The following CLNK variants were observed in gnomAD, a reference collection of about 807,000 sequenced individuals.
The protein encoded by CLNK is cytokine-dependent hematopoietic cell linker.
Under a neutral mutation model 68.6 loss-of-function variants are expected in CLNK, and 74 were observed. The observed-to-expected ratio is 1.08, with a 90% CI of 0.89 to 1.31. CLNK has a LOEUF of 1.31. CLNK is among the 50% of genes most tolerant of loss of function. The probability of loss-of-function intolerance (pLI) is 0.00; values close to 1 mark genes in which losing one functional copy is unlikely to be tolerated. For missense variants in CLNK, 553 were observed against 515.3 expected (o/e 1.07, Z -0.71); for synonymous variants, 198 against 172.2 (o/e 1.15, Z -1.17).
intron 15 of CLNK, among the ~76,000 whole-genome samples, chr4:10,514,338 T>C (rs1717737887): frequency 6.6e-6 from 1 of 152,128 alleles, no homozygotes; most frequent in South Asian, 2.1e-4. Context: ...TGTGTCTTTA[T>C]AGCAGCATAA....
chr4:10,708,384 A>AT, the CLNK span, among the ~76,000 whole-genome samples: 161 of 150,366 alleles, frequency 1.1e-3, 1 homozygote, highest in African/African-American at 2.8e-3. Flanking sequence ...GGTGAACACT[A>AT]TTTTTTTTTT....
the CLNK span, among the ~76,000 whole-genome samples, chr4:10,734,451 C>T: frequency 6.6e-6 from 1 of 152,212 alleles, no homozygotes; most frequent in Admixed American, 6.5e-5. Flanking sequence ...CACTTTTACT[C>T]AGGACCAGTC....
In CLNK at chr4:10,658,146, A is replaced by T. The variant is rs11930896; in HGVS notation, c.11+9713T>A. On this transcript the variant is annotated intron_variant, in intron 2 of 18. Coordinates refer to ENST00000226951, the MANE Select transcript of CLNK (RefSeq NM_052964.4). Reference sequence around the variant, plus strand: ...TTTGCTCCAAGTAGAATAACCACTCACTCCTCTGTGTCCTCTTAGCACTTT... The same window carrying T: ...TTTGCTCCAAGTAGAATAACCACTCTCTCCTCTGTGTCCTCTTAGCACTTT... Among the ~76,000 whole-genome samples the T allele has an allele frequency of 6.8e-3, 1,031 of 151,638 alleles. 14 individuals are homozygous for T. The highest frequency in any genetic ancestry group is 0.024 in the African/African-American group (994 of 41,290).
chr4:10,708,676 C>T, the CLNK span, among the ~76,000 whole-genome samples: 1 of 152,178 alleles, frequency 6.6e-6, no homozygotes, highest in South Asian at 2.1e-4. Flanking sequence ...AGGCAGGGCA[C>T]ATCATGGTCA....
At chr4:10,714,987 T>C in the CLNK span, among the ~76,000 whole-genome samples, 1 of 152,212 alleles carries the variant, frequency 6.6e-6, no homozygotes, top group African/African-American at 2.4e-5. Flanking sequence ...AACATCCTTC[T>C]TTGGTTTCAG....
chr4:10,721,764 T>C, the CLNK span, among the ~76,000 whole-genome samples: 22 of 152,358 alleles, frequency 1.4e-4, no homozygotes, highest in Admixed American at 1.2e-3. Context: ...GCATGACCTC[T>C]GCATTTAGAG....
chr4:10,555,375 G>A (rs577975135), intron 8 of CLNK, among the ~76,000 whole-genome samples: 1 of 152,228 alleles, frequency 6.6e-6, no homozygotes, highest in South Asian at 2.1e-4. Flanking sequence ...GGTTTCTCTA[G>A]AAAAATAAAC....
At chr4:10,682,802 C>CT (rs1269256752) in intron 1 of CLNK, among the ~76,000 whole-genome samples, 1 of 152,194 alleles carries the variant, frequency 6.6e-6, no homozygotes, top group Admixed American at 6.6e-5. Context: ...CTGTTAAGAT[C>CT]ATTCAAGAAG....
rs565763486 is a variant in CLNK at position 10,525,743 on chromosome 4, C to G, written c.731+98G>C. ...CATTATTGGGCTTCAGAAACAAAGA[C>G]TTTCGTTTCTCAGAAAGTCTTTGTG... On this transcript the variant is annotated intron_variant, in intron 14 of 18. Coordinates refer to ENST00000226951, the MANE Select transcript of CLNK (RefSeq NM_052964.4). 82 of 683,142 alleles carry G rather than the reference C, an allele frequency of 1.2e-4. No individual in the cohort carries two copies. The African/African-American group carries it at 1.4e-3, about 12-fold the overall frequency. 42.3% of individuals were successfully genotyped at this position (683,142 alleles called of 1,614,324 possible). A position where few individuals can be genotyped will look rare whatever the true frequency, so the allele number is the denominator to read the frequency against.
intron 14 of CLNK, among the ~76,000 whole-genome samples, chr4:10,523,204 C>T (rs1054353163): frequency 1.3e-5 from 2 of 152,124 alleles, no homozygotes; most frequent in Admixed American, 1.3e-4. Flanking sequence ...AGAGAGCTTA[C>T]TGAGTTTACC....
chr4:10,666,291 A>G lies in CLNK; in HGVS notation c.11+1568T>C, dbSNP rs1577207216. On this transcript the variant is annotated intron_variant, in intron 2 of 18. Transcript: ENST00000226951. ...ATTTGTTAGAGCAGCCCAGGACACTAATACACCTGCTGTGCTGTGTATGCC... is the reference window on the plus strand; with the variant it reads ...ATTTGTTAGAGCAGCCCAGGACACTGATACACCTGCTGTGCTGTGTATGCC... Among the ~76,000 whole-genome samples, 5 of 152,322 alleles carry G rather than the reference A, an allele frequency of 3.3e-5. No homozygotes were observed. The East Asian group carries it at 9.6e-4, about 29-fold the overall frequency.
At position 10,521,521 on chromosome 4, in the gene CLNK, T is replaced by G. The variant is rs530081545; in HGVS notation, c.732-690A>C. ...CCACAGTTAAATCTAATTACATGAG[T>G]GATGCTCTATTCCAAGGACTGTGCT... On this transcript the variant is annotated intron_variant, in intron 14 of 18. Transcript: ENST00000226951. Among the ~76,000 whole-genome samples, 5 of 152,348 alleles carry G rather than the reference T, an allele frequency of 3.3e-5. No homozygotes were observed. The East Asian group carries it at 9.6e-4, about 29-fold the overall frequency.
At chr4:10,585,054 G>C in intron 3 of CLNK, 99 bp from the exon 4 acceptor site, 3 of 1,267,494 alleles carry the variant, frequency 2.4e-6, no homozygotes, top group Non-Finnish European at 3.4e-6. Context: ...CATTGTACAA[G>C]TCAGCCTCTG....
chr4:10,588,781 TC>T (rs1310482557), intron 3 of CLNK, among the ~76,000 whole-genome samples: 2 of 152,048 alleles, frequency 1.3e-5, no homozygotes, highest in Non-Finnish European at 2.9e-5. Context: ...ATAGTCAAAC[TC>T]ATAGAGGCAA....
chr4:10,492,851 A>G (rs990203460), intron 18 of CLNK, among the ~76,000 whole-genome samples: 4 of 152,102 alleles, frequency 2.6e-5, no homozygotes, highest in Non-Finnish European at 5.9e-5. Flanking sequence ...TTACATTACA[A>G]CACATTTCCT....
At chr4:10,668,318 C>A (rs7667386) in intron 1 of CLNK, among the ~76,000 whole-genome samples, 151,224 of 152,354 alleles carry the variant, frequency 0.99, 75,053 homozygotes, top group East Asian at 1. Context: ...ATATTTATTG[C>A]AAGTTACAGT....
chr4:10,642,844 G>A (rs1000716709), intron 2 of CLNK, among the ~76,000 whole-genome samples: 2 of 152,120 alleles, frequency 1.3e-5, no homozygotes, highest in Non-Finnish European at 2.9e-5. Flanking sequence ...TCTGGGAAGG[G>A]TATGTAAAAT....
chr4:10,506,242 T>C (rs895173372), intron 17 of CLNK, among the ~76,000 whole-genome samples: 2 of 152,222 alleles, frequency 1.3e-5, no homozygotes, highest in Non-Finnish European at 2.9e-5. Flanking sequence ...CTTCCTCACC[T>C]TCTTCGAAGT....
chr4:10,580,715 T>C (rs1720745919), intron 4 of CLNK, among the ~76,000 whole-genome samples: 1 of 152,180 alleles, frequency 6.6e-6, no homozygotes, highest in Admixed American at 6.5e-5. Context: ...AAGGGAAATA[T>C]TTTTGTAAAA....
Sources: gnomAD v4.1 joint callset for allele counts (sites outside exome capture counted in the v4.1 genomes callset) on GRCh38, gnomAD v4.1.1 for gene constraint, MANE v1.5 for transcripts, NCBI Gene and HGNC (gene_info 2026-07-23, HGNC 2026-07-21) for gene names.